Variants in ZBTB20 observed in about 807,000 individuals in gnomAD.
ZBTB20 encodes zinc finger and BTB domain containing 20.
Under a neutral mutation model 56.9 loss-of-function variants are expected in ZBTB20, and 9 were observed. The ratio of observed to expected loss-of-function variants is 0.16; its 90% CI spans 0.10 to 0.28. The LOEUF (loss-of-function observed/expected upper bound fraction) is 0.28. Among genes scored for constraint, ZBTB20 ranks in the 10% least tolerant of loss-of-function variants. The pLI is 1.00. For synonymous variants in ZBTB20, 417 were observed against 420.7 expected, an observed-to-expected ratio of 0.99 and a Z score of 0.11; for missense variants, 655 against 1,003.0, an observed-to-expected ratio of 0.65 and a Z score of 4.69.
chr3:114,849,636 T>A (rs1484714598), intron 4 of ZBTB20, among the ~76,000 whole-genome samples: 1 of 152,232 alleles, frequency 6.6e-6, no homozygotes, highest in Non-Finnish European at 1.5e-5. Context: ...GAAAATGATA[T>A]ATGCTTTGTA....
intron 6 of ZBTB20, among the ~76,000 whole-genome samples, chr3:114,671,899 A>C (rs1330551820): frequency 6.6e-6 from 1 of 152,106 alleles, no homozygotes; most frequent in East Asian, 1.9e-4. Flanking sequence ...AGAGTGTGGG[A>C]ATTTTTACCA....
At chr3:114,670,858 G>A (rs1194696072) in intron 6 of ZBTB20, among the ~76,000 whole-genome samples, 4 of 152,054 alleles carry the variant, frequency 2.6e-5, no homozygotes, top group African/African-American at 9.7e-5. Flanking sequence ...AGAGACAATG[G>A]GTCAAATGCA....
chr3:114,824,164 G>T (rs1046437725), intron 4 of ZBTB20, among the ~76,000 whole-genome samples: 1 of 151,866 alleles, frequency 6.6e-6, no homozygotes, highest in Non-Finnish European at 1.5e-5. Context: ...AGTGGTTCTG[G>T]TGATATTTAC....
rs1056696123 is a variant in ZBTB20, at chr3:115,032,977, A to C, written c.-507+38242T>G. ...AGGAACTAAAAAAAAAAAAAAAAAA[A>C]CAAACTAAACCCACAGCTAGCAGAA... is the stretch of plus-strand genomic sequence containing the variant. On this transcript the variant is annotated intron_variant, in intron 2 of 11. Coordinates refer to ENST00000675478, the MANE Select transcript of ZBTB20 (RefSeq NM_001348800.3). Among the ~76,000 whole-genome samples, 510 of 147,502 alleles carry C rather than the reference A, an allele frequency of 3.5e-3. 3 individuals are homozygous for C. The highest frequency in any genetic ancestry group is 0.012 in the African/African-American group (479 of 40,462).
intron 6 of ZBTB20, among the ~76,000 whole-genome samples, chr3:114,538,522 C>T (rs2048740091): frequency 6.6e-6 from 1 of 152,118 alleles, no homozygotes; most frequent in Admixed American, 6.5e-5. Flanking sequence ...TGTGTGTTCC[C>T]ATCCATGGAA....
intron 4 of ZBTB20, among the ~76,000 whole-genome samples, chr3:114,823,249 T>C (rs1463099416): frequency 6.6e-6 from 1 of 152,030 alleles, no homozygotes; most frequent in Non-Finnish European, 1.5e-5. Context: ...CTGAGGCATG[T>C]AGGGAGGGCA....
intron 4 of ZBTB20, among the ~76,000 whole-genome samples, chr3:114,801,567 A>C (rs556347726): frequency 7.2e-4 from 109 of 151,962 alleles, no homozygotes; most frequent in African/African-American, 2.5e-3. Context: ...AGTTCAGGGA[A>C]TAAAGAAGAA....
chr3:115,070,923 C>T (rs752639524), intron 2 of ZBTB20, among the ~76,000 whole-genome samples: 49 of 151,620 alleles, frequency 3.2e-4, no homozygotes, highest in Non-Finnish European at 6.3e-4. Flanking sequence ...AGTTCAGGTT[C>T]GGGCAGTTAC....
intron 1 of ZBTB20, among the ~76,000 whole-genome samples, chr3:115,095,372 T>G (rs150334240): frequency 1.3e-5 from 2 of 152,080 alleles, no homozygotes; most frequent in African/African-American, 4.8e-5. Flanking sequence ...TTCAGCTGAG[T>G]GTCAAAAGAT....
intron 1 of ZBTB20, among the ~76,000 whole-genome samples, chr3:115,091,032 T>C (rs998803598): frequency 6.6e-6 from 1 of 151,944 alleles, no homozygotes; most frequent in South Asian, 2.1e-4. Flanking sequence ...TTCATCTTAC[T>C]ATATAAGTTC....
intron 6 of ZBTB20, among the ~76,000 whole-genome samples, chr3:114,689,734 C>T (rs2062582058): frequency 6.6e-6 from 1 of 152,052 alleles, no homozygotes. Flanking sequence ...TGTGGGTAAA[C>T]TTATGGATCT....
intron 1 of ZBTB20, among the ~76,000 whole-genome samples, chr3:115,102,086 A>C (rs2083601809): frequency 2.6e-5 from 4 of 152,190 alleles, no homozygotes; most frequent in Admixed American, 2.0e-4. Flanking sequence ...TGTAATATCT[A>C]CCTATACATT....
chr3:114,632,030 C>T (rs941035194), intron 6 of ZBTB20, among the ~76,000 whole-genome samples: 9 of 152,146 alleles, frequency 5.9e-5, no homozygotes, highest in Admixed American at 5.9e-4. Context: ...TGAGGAGAGT[C>T]CTGTAGAGAG....
At chr3:114,835,606 T>G (rs2074080422) in intron 4 of ZBTB20, among the ~76,000 whole-genome samples, 1 of 152,176 alleles carries the variant, frequency 6.6e-6, no homozygotes, top group Admixed American at 6.5e-5. Context: ...GCACAGTAGT[T>G]GCAATACATT....
chr3:114,809,098 A>G (rs1273196539), intron 4 of ZBTB20, among the ~76,000 whole-genome samples: 1 of 149,494 alleles, frequency 6.7e-6, no homozygotes, highest in East Asian at 2.0e-4. Flanking sequence ...TTTTCTTGTT[A>G]CTGTCAAAAT....
At chr3:115,146,993 C>CG (rs1398260947) in intron 1 of ZBTB20, among the ~76,000 whole-genome samples, 2 of 147,030 alleles carry the variant, frequency 1.4e-5, no homozygotes, top group Non-Finnish European at 3.0e-5. Flanking sequence ...GGGGCGCGGG[C>CG]GGGGCGGGGC....
intron 5 of ZBTB20, among the ~76,000 whole-genome samples, chr3:114,764,534 A>G (rs2068653428): frequency 6.6e-6 from 1 of 152,130 alleles, no homozygotes; most frequent in South Asian, 2.1e-4. Context: ...CCCACTCACA[A>G]CATTTGATTT....
chr3:114,557,320 C>A (rs1172130762), intron 6 of ZBTB20, among the ~76,000 whole-genome samples: 1 of 151,836 alleles, frequency 6.6e-6, no homozygotes, highest in Non-Finnish European at 1.5e-5. Context: ...AGCACAAGAA[C>A]CTGGGATAAC....
chr3:114,495,170 T>A (rs1319682185), intron 7 of ZBTB20, among the ~76,000 whole-genome samples: 1 of 152,224 alleles, frequency 6.6e-6, no homozygotes, highest in Non-Finnish European at 1.5e-5. Flanking sequence ...AATTTTAAAT[T>A]CCTTAAGAGC....
Sources: gnomAD v4.1 joint callset for allele counts (sites outside exome capture counted in the v4.1 genomes callset) on GRCh38, gnomAD v4.1.1 for gene constraint, MANE v1.5 for transcripts, NCBI Gene and HGNC (gene_info 2026-07-23, HGNC 2026-07-21) for gene names.